Variants in ST3GAL1 observed in about 807,000 individuals in gnomAD.
ST3GAL1 encodes ST3 beta-galactoside alpha-2,3-sialyltransferase 1, also known as CMP-N-acetylneuraminate-beta-galactosamide-alpha-2,3-sialyltransferase 1.
A neutral mutation model predicts 34.1 loss-of-function variants in ST3GAL1; 16 were observed. The ratio of observed to expected loss-of-function variants is 0.47; its 90% CI spans 0.32 to 0.71. ST3GAL1 has a LOEUF of 0.71. Ranked by LOEUF, ST3GAL1 falls within the 30% of genes least tolerant of loss-of-function variation. The pLI, the probability that ST3GAL1 is intolerant of heterozygous loss-of-function variation, is 0.04. For missense variants in ST3GAL1, 353 were observed against 447.4 expected, an observed-to-expected ratio of 0.79 and a Z score of 1.90; for synonymous variants, 191 against 184.7, an observed-to-expected ratio of 1.03 and a Z score of -0.28.
chr8:133,483,042 A>T (rs1816456032), intron 3 of ST3GAL1, among the ~76,000 whole-genome samples: 2 of 152,248 alleles, frequency 1.3e-5, no homozygotes, highest in South Asian at 4.1e-4. Flanking sequence ...ACAAAATAGG[A>T]TTAAAAATGC....
chr8:133,565,937 T>C (rs553022629), intron 1 of ST3GAL1, among the ~76,000 whole-genome samples: 2 of 152,358 alleles, frequency 1.3e-5, no homozygotes, highest in African/African-American at 4.8e-5. Flanking sequence ...CAGAGCCCTC[T>C]CTAACAGTTG....
At chr8:133,484,737 C>T (rs1816515209) in intron 3 of ST3GAL1, among the ~76,000 whole-genome samples, 1 of 152,144 alleles carries the variant, frequency 6.6e-6, no homozygotes, top group South Asian at 2.1e-4. Flanking sequence ...GCTAGAGGCA[C>T]CTGGTTGGAA....
chr8:133,462,390 T>C (rs188013283), intron 8 of ST3GAL1, among the ~76,000 whole-genome samples: 86 of 152,296 alleles, frequency 5.6e-4, no homozygotes, highest in African/African-American at 1.9e-3. Context: ...CCAAGCCACC[T>C]GATGATGGCT....
Position 133,467,829 on chromosome 8 carries a change from A to G in ST3GAL1, c.307-1739T>C, listed in dbSNP as rs1015047447. 7.9e-5 allele frequency among the ~76,000 whole-genome samples: 12 copies of G among 152,176 alleles called. No homozygotes were observed. Among genetic ancestry groups the G allele is most frequent in the African/African-American group, 2.9e-4 (12 of 41,454 alleles). On this transcript the variant is annotated intron_variant, in intron 5 of 9. Coordinates refer to ENST00000522652, the MANE Select transcript of ST3GAL1 (RefSeq NM_173344.3). The surrounding 1 kb of genome is among the most constrained non-coding windows in gnomAD (Gnocchi z 4.2). Reference sequence around the variant, plus strand: ...CGGATGCCCCAAGGGGAGGCACACAAGCAGAACCAGATTGCTCTTCCAGTT... The same window carrying G: ...CGGATGCCCCAAGGGGAGGCACACAGGCAGAACCAGATTGCTCTTCCAGTT...
chr8:133,463,618 G>A (rs1815603094), intron 7 of ST3GAL1, among the ~76,000 whole-genome samples, 159 bp from the exon 8 acceptor site: 1 of 152,114 alleles, frequency 6.6e-6, no homozygotes, highest in Admixed American at 6.5e-5. Context: ...ACCCCAGCCG[G>A]GTTTCTGCCC....
intron 3 of ST3GAL1, among the ~76,000 whole-genome samples, chr8:133,479,188 G>A (rs922841139): frequency 5.9e-5 from 9 of 151,310 alleles, no homozygotes; most frequent in Admixed American, 5.3e-4. Flanking sequence ...TGGTCCTTGC[G>A]TTCTCCAGGC....
At chr8:133,478,943 C>T (rs180849784) in intron 3 of ST3GAL1, among the ~76,000 whole-genome samples, 228 of 152,312 alleles carry the variant, frequency 1.5e-3, no homozygotes, top group Non-Finnish European at 1.3e-3. Flanking sequence ...GGAAACAAAA[C>T]GGCCAACAGT....
In ST3GAL1 at chr8:133,570,738, G is replaced by A. The variant is rs1016041103; in HGVS notation, c.-582+955C>T. Among the ~76,000 whole-genome samples the A allele has an allele frequency of 1.1e-4, 16 of 152,128 alleles. No homozygotes were observed. The highest frequency in any genetic ancestry group is 3.6e-4 in the African/African-American group (15 of 41,408). ...AGAGAAAGGAGGAGCGGAAAGTTGCGCCACCGTCCCGATTCCAAACTAACT... is the reference window on the plus strand; with the variant it reads ...AGAGAAAGGAGGAGCGGAAAGTTGCACCACCGTCCCGATTCCAAACTAACT... On this transcript the variant is annotated intron_variant, in intron 1 of 9. Transcript: ENST00000522652. The surrounding 1 kb of genome is among the most constrained non-coding windows in gnomAD (Gnocchi z 5.6).
intron 2 of ST3GAL1, among the ~76,000 whole-genome samples, chr8:133,517,386 C>G (rs2058582937): frequency 6.6e-6 from 1 of 152,134 alleles, no homozygotes; most frequent in Admixed American, 6.6e-5. Flanking sequence ...GTCTCACTCT[C>G]TCACCCAGGC....
chr8:133,540,869 A>ACATATATATAGAGG (rs1818466403), intron 2 of ST3GAL1, among the ~76,000 whole-genome samples: 1 of 131,004 alleles, frequency 7.6e-6, no homozygotes, highest in African/African-American at 2.8e-5. Flanking sequence ...ATATATAGAG[A>ACATATATATAGAGG]CATATATATA....
chr8:133,551,437 C>G (rs1008576656), intron 1 of ST3GAL1, among the ~76,000 whole-genome samples: 1 of 150,726 alleles, frequency 6.6e-6, no homozygotes, highest in African/African-American at 2.4e-5. Context: ...CACTGCACTC[C>G]AGCCTGGCAA....
At chr8:133,535,525 AT>A (rs112708766) in intron 2 of ST3GAL1, among the ~76,000 whole-genome samples, 26,889 of 144,946 alleles carry the variant, frequency 0.19, 2,662 homozygotes, top group South Asian at 0.28. Flanking sequence ...GTATTTTTTA[AT>A]TTTTTTTTTT....
intron 1 of ST3GAL1, among the ~76,000 whole-genome samples, chr8:133,553,441 GC>G (rs769258856): frequency 6.6e-6 from 1 of 152,230 alleles, no homozygotes; most frequent in Non-Finnish European, 1.5e-5. Context: ...ATGAGGAAAA[GC>G]CTCACTTTAC....
intron 2 of ST3GAL1, among the ~76,000 whole-genome samples, chr8:133,510,641 CTAAT>C (rs1157126475): frequency 2.0e-5 from 3 of 152,118 alleles, no homozygotes; most frequent in African/African-American, 4.8e-5. Context: ...AATTAATTAG[CTAAT>C]TAATTAAAAT....
intron 2 of ST3GAL1, among the ~76,000 whole-genome samples, chr8:133,533,565 C>T (rs903871851): frequency 6.6e-6 from 1 of 152,238 alleles, no homozygotes; most frequent in South Asian, 2.1e-4. Context: ...GCTCCCCATT[C>T]CTCCCTGACT....
intron 2 of ST3GAL1, among the ~76,000 whole-genome samples, chr8:133,510,415 C>A (rs1461787670): frequency 6.6e-6 from 1 of 152,164 alleles, no homozygotes; most frequent in Non-Finnish European, 1.5e-5. Flanking sequence ...TAGAGAGGAA[C>A]TGAGGCAGAG....
At position 133,469,127 on chromosome 8, in the gene ST3GAL1, C is replaced by A. The variant is rs1815852626; in HGVS notation, c.307-3037G>T. On this transcript the variant is annotated intron_variant, in intron 5 of 9. Coordinates refer to ENST00000522652, the MANE Select transcript of ST3GAL1 (RefSeq NM_173344.3). The surrounding 1 kb of genome is among the most constrained non-coding windows in gnomAD (Gnocchi z 4.3). ...ACGTGTGTGGAGAGTATGCTGCCTG[C>A]TTCACACAGCACCACATCATCCTGC... Among the ~76,000 whole-genome samples, 2 of 152,202 alleles carry A rather than the reference C, an allele frequency of 1.3e-5. No individual in the cohort carries two copies. The highest frequency in any genetic ancestry group is 6.5e-5 in the Admixed American group (1 of 15,284).
chr8:133,514,753 G>C (rs1345894033), intron 2 of ST3GAL1, among the ~76,000 whole-genome samples: 1 of 152,148 alleles, frequency 6.6e-6, no homozygotes, highest in African/African-American at 2.4e-5. Flanking sequence ...TAGGTGGGGA[G>C]GGTCAGGGTT....
chr8:133,533,372 A>G (rs187732967), intron 2 of ST3GAL1, among the ~76,000 whole-genome samples: 2 of 152,318 alleles, frequency 1.3e-5, no homozygotes, highest in Middle Eastern at 3.4e-3. Flanking sequence ...CATGGGCTCT[A>G]GTGCAGGCAT....
Sources: allele counts gnomAD v4.1 joint callset (sites outside exome capture counted in the v4.1 genomes callset), GRCh38; gene constraint gnomAD v4.1.1; non-coding constraint Gnocchi (gnomAD v3.1); transcripts MANE v1.5; gene names NCBI Gene and HGNC (gene_info 2026-07-23, HGNC 2026-07-21).